GNAL: variants seen among roughly 807,000 people sequenced by gnomAD.
The protein encoded by GNAL is guanine nucleotide-binding protein G(olf) subunit alpha.
In GNAL, 18 loss-of-function variants were observed where a neutral mutation model predicts 55.1. The ratio of observed to expected loss-of-function variants is 0.33; its 90% confidence interval spans 0.23 to 0.48. The LOEUF (loss-of-function observed/expected upper bound fraction) is 0.48, where lower values mean the gene tolerates loss of function less well. Ranked by LOEUF, GNAL falls within the 20% of genes least tolerant of loss-of-function variation. GNAL has a pLI of 0.99. For synonymous variants in GNAL, 253 were observed against 237.0 expected (o/e 1.07, Z -0.62); for missense variants, 412 against 614.1 (o/e 0.67, Z 3.48).
At chr18:11,843,259 G>A (rs2035658000) in intron 5 of GNAL, among the ~76,000 whole-genome samples, 1 of 152,122 alleles carries the variant, frequency 6.6e-6, no homozygotes, top group Non-Finnish European at 1.5e-5. Flanking sequence ...AGCACTTTGG[G>A]AGGCCAAGGT....
chr18:11,793,721 C>T (rs1598464145), intron 4 of GNAL, among the ~76,000 whole-genome samples: 1 of 151,870 alleles, frequency 6.6e-6, no homozygotes, highest in East Asian at 1.9e-4. Flanking sequence ...GTCAGGAGAT[C>T]GAGACCATCC....
At position 11,752,369 on chromosome 18, in the gene GNAL, C is replaced by T. The variant is rs980159733; in HGVS notation, c.377-484C>T. ...GAGCCGTCGCAGGAGCCGCACACGTCTCCAACTCTCTATTGCTTTTTGCGC... is the reference window on the plus strand; with the variant it reads ...GAGCCGTCGCAGGAGCCGCACACGTTTCCAACTCTCTATTGCTTTTTGCGC... On this transcript the variant is annotated intron_variant, in intron 1 of 11. Transcript: ENST00000334049. This position sits in a 1 kb window ranked among gnomAD's most constrained non-coding sequence, Gnocchi z 4.5. 8 of 1,550,916 alleles carry T rather than the reference C, an allele frequency of 5.2e-6. No homozygotes were observed. The highest frequency in any genetic ancestry group is 2.8e-5 in the African/African-American group (2 of 70,286).
At chr18:11,829,077 C>T (rs1165882666) in intron 5 of GNAL, among the ~76,000 whole-genome samples, 1 of 152,202 alleles carries the variant, frequency 6.6e-6, no homozygotes, top group African/African-American at 2.4e-5. Context: ...AGATTTATTC[C>T]TTCAAATTAC....
intron 5 of GNAL, among the ~76,000 whole-genome samples, chr18:11,839,450 T>C (rs1008131855): frequency 3.4e-5 from 5 of 145,354 alleles, no homozygotes; most frequent in African/African-American, 1.0e-4. Flanking sequence ...CTCCTTGATA[T>C]GGTGAAAGCG....
chr18:11,702,946 C>T (rs558093269), intron 1 of GNAL, among the ~76,000 whole-genome samples: 2 of 152,112 alleles, frequency 1.3e-5, no homozygotes, highest in Non-Finnish European at 2.9e-5. Context: ...GGCAAAACCC[C>T]ATCTCTGCTA....
In GNAL at chr18:11,876,730, TA is replaced by T. The variant is rs757333553; in HGVS notation, c.1230+44del. On this transcript the variant is annotated intron_variant, in intron 11 of 11. Coordinates refer to ENST00000334049, the MANE Select transcript of GNAL (RefSeq NM_182978.4). ...ACCTTTGTTTTTCTACCTCCCTTCT[TA>T]ATCTTTTGTTTCTTACAATATGCAA... 3.7e-6 allele frequency: 4 copies of T among 1,068,374 alleles called. No homozygotes were observed. In the Admixed American group the frequency reaches 6.8e-5, roughly 18 times the overall value. The allele number at this position is 1,068,374 out of a possible 1,614,324, so 66.2% of individuals were successfully genotyped here.
intron 1 of GNAL, among the ~76,000 whole-genome samples, chr18:11,741,413 T>TA (rs774040453): frequency 1.6e-4 from 24 of 152,040 alleles, no homozygotes; most frequent in Non-Finnish European, 3.2e-4. Context: ...TAAATTTCTC[T>TA]AAAAAAAATG....
At chr18:11,827,026 G>A (rs1456316098) in intron 5 of GNAL, among the ~76,000 whole-genome samples, 2 of 152,136 alleles carry the variant, frequency 1.3e-5, no homozygotes, top group South Asian at 2.1e-4. Context: ...CCCAGCAGAG[G>A]GCACAGGTCG....
At chr18:11,800,388 A>G (rs2143500452) in intron 4 of GNAL, among the ~76,000 whole-genome samples, 1 of 152,350 alleles carries the variant, frequency 6.6e-6, no homozygotes, top group Admixed American at 6.5e-5. Flanking sequence ...GAATTGCTGA[A>G]CATGTACATT....
At chr18:11,860,940 G>A (rs746434716) in intron 5 of GNAL, among the ~76,000 whole-genome samples, 11 of 152,182 alleles carry the variant, frequency 7.2e-5, no homozygotes, top group Non-Finnish European at 1.3e-4. Flanking sequence ...CATGCTGAAG[G>A]GCTCATTGTG....
intron 5 of GNAL, among the ~76,000 whole-genome samples, chr18:11,851,239 G>A (rs953985252): frequency 5.3e-5 from 8 of 152,212 alleles, no homozygotes; most frequent in South Asian, 2.1e-4. Flanking sequence ...GGAAGCGAGC[G>A]TTCCCCGCCG....
chr18:11,728,261 A>G (rs896690125), intron 1 of GNAL, among the ~76,000 whole-genome samples: 31 of 151,706 alleles, frequency 2.0e-4, no homozygotes, highest in African/African-American at 7.3e-4. Context: ...TCAAAATGGT[A>G]GTGCAAGCAG....
Position 11,882,198 on chromosome 18 carries a change from A to G in GNAL, c.*1063A>G, listed in dbSNP as rs1222104368. On this transcript the variant is annotated 3_prime_UTR_variant, in exon 12 of 12. Transcript: ENST00000334049. ...TCTGAGCTGTAAAAACCTGAACTCA[A>G]TTCAGGGGTACAAATTGCAATCTAA... is the stretch of plus-strand genomic sequence containing the variant. 6.6e-6 allele frequency: 1 copy of G among 152,158 alleles called. No homozygotes were observed. Among genetic ancestry groups the G allele is most frequent in the Non-Finnish European group, 1.5e-5 (1 of 68,016 alleles). 9.4% of individuals were successfully genotyped at this position (152,158 alleles called of 1,614,324 possible).
At chr18:11,797,700 A>G (rs1294306990) in intron 4 of GNAL, among the ~76,000 whole-genome samples, 1 of 152,080 alleles carries the variant, frequency 6.6e-6, no homozygotes, top group Non-Finnish European at 1.5e-5. Context: ...TGGAGGCTGC[A>G]GTGAGCCAAG....
chr18:11,725,336 C>T (rs1042249183), intron 1 of GNAL, among the ~76,000 whole-genome samples: 1 of 152,072 alleles, frequency 6.6e-6, no homozygotes, highest in Non-Finnish European at 1.5e-5. Context: ...TGTGAAGACC[C>T]AGGGAGAGGA....
chr18:11,764,338 C>T (rs1231598160), intron 4 of GNAL, among the ~76,000 whole-genome samples: 1 of 152,080 alleles, frequency 6.6e-6, no homozygotes, highest in African/African-American at 2.4e-5. Flanking sequence ...AACTCCCAAC[C>T]TTAAGTAATC....
At chr18:11,701,708 C>T (rs1309250324) in intron 1 of GNAL, among the ~76,000 whole-genome samples, 2 of 152,068 alleles carry the variant, frequency 1.3e-5, no homozygotes, top group African/African-American at 2.4e-5. Context: ...CCAGAAGCAC[C>T]CACAGCTCCC....
intron 4 of GNAL, among the ~76,000 whole-genome samples, chr18:11,816,491 G>A (rs934683002): frequency 6.6e-6 from 1 of 151,912 alleles, no homozygotes. Flanking sequence ...TAGAGACGGG[G>A]TTTCACCATT....
At chr18:11,781,059 A>G (rs2143353162) in intron 4 of GNAL, among the ~76,000 whole-genome samples, 1 of 152,364 alleles carries the variant, frequency 6.6e-6, no homozygotes, top group African/African-American at 2.4e-5. Context: ...TAAATTTTAA[A>G]TATCAACCAG....
Sources: allele counts gnomAD v4.1 joint callset (sites outside exome capture counted in the v4.1 genomes callset), GRCh38; gene constraint gnomAD v4.1.1; non-coding constraint Gnocchi (gnomAD v3.1); transcripts MANE v1.5; gene names NCBI Gene and HGNC (gene_info 2026-07-23, HGNC 2026-07-21).